The following NALF1 variants were observed in gnomAD, a reference collection of about 807,000 sequenced individuals.
The protein encoded by NALF1 is NALCN channel auxiliary factor 1.
NALF1 carries 3 observed loss-of-function variants against 48.4 expected under a neutral mutation model. That is an observed-to-expected ratio of 0.06 (90% CI 0.03 to 0.16). NALF1 has a LOEUF of 0.16. NALF1 is among the 10% of genes least tolerant of loss of function. NALF1 has a pLI of 1.00. For synonymous variants in NALF1, 262 were observed against 245.7 expected, an observed-to-expected ratio of 1.07 and a Z score of -0.62; for missense variants, 526 against 571.5, an observed-to-expected ratio of 0.92 and a Z score of 0.81.
chr13:107,791,346 C>T (rs1878225137), intron 1 of NALF1, among the ~76,000 whole-genome samples: 1 of 152,134 alleles, frequency 6.6e-6, no homozygotes, highest in Non-Finnish European at 1.5e-5. Flanking sequence ...ATGTACCTGT[C>T]TATCATATCT....
intron 1 of NALF1, among the ~76,000 whole-genome samples, chr13:107,608,267 G>A (rs1170060984): frequency 1.3e-5 from 2 of 152,088 alleles, no homozygotes; most frequent in Non-Finnish European, 2.9e-5. Flanking sequence ...CAGGACACGT[G>A]GAGAAGGCAC....
intron 1 of NALF1, among the ~76,000 whole-genome samples, chr13:107,348,319 C>T (rs1252512295): frequency 6.6e-6 from 1 of 152,008 alleles, no homozygotes; most frequent in Non-Finnish European, 1.5e-5. Flanking sequence ...ATTTCATTTG[C>T]ATTAAAAGTG....
At chr13:107,607,042 A>G (rs2138429070) in intron 1 of NALF1, among the ~76,000 whole-genome samples, 1 of 152,320 alleles carries the variant, frequency 6.6e-6, no homozygotes, top group Admixed American at 6.5e-5. Context: ...CATTGGTGCA[A>G]AAGTATTTGT....
At chr13:107,276,765 C>T (rs1881290127) in intron 1 of NALF1, among the ~76,000 whole-genome samples, 1 of 151,946 alleles carries the variant, frequency 6.6e-6, no homozygotes, top group Admixed American at 6.6e-5. Flanking sequence ...GAGATAAACA[C>T]ATCATTTATA....
intron 1 of NALF1, among the ~76,000 whole-genome samples, chr13:107,773,789 A>T (rs1877648414): frequency 6.6e-6 from 1 of 151,476 alleles, no homozygotes; most frequent in East Asian, 2.0e-4. Flanking sequence ...AATGACGAGT[A>T]AATGGGTGTA....
chr13:107,166,346 G>A lies in NALF1; in HGVS notation c.*4151C>T, dbSNP rs1282208580. ...GAGGCAGGAGAATCGCTTGAACCCA[G>A]GAAGTGGAGGTTGCAGTGAGCAGAG... On this transcript the variant is annotated 3_prime_UTR_variant, in exon 3 of 3. Transcript: ENST00000375915. 6.6e-6 allele frequency: 1 copy of A among 152,244 alleles called. No homozygotes were observed. Among genetic ancestry groups the A allele is most frequent in the African/African-American group, 2.4e-5 (1 of 41,454 alleles). The allele number at this position is 152,244 out of a possible 1,614,324, so 9.4% of individuals were successfully genotyped here.
intron 1 of NALF1, among the ~76,000 whole-genome samples, chr13:107,248,201 C>T (rs1880621903): frequency 6.6e-6 from 1 of 151,534 alleles, no homozygotes; most frequent in Non-Finnish European, 1.5e-5. Context: ...TTAGAGGGAA[C>T]AGCAAAGGAG....
chr13:107,756,456 A>ATATATATATATAT (rs1877099055), intron 1 of NALF1, among the ~76,000 whole-genome samples: 2 of 110,802 alleles, frequency 1.8e-5, no homozygotes, highest in Admixed American at 9.2e-5. Flanking sequence ...TATATATATA[A>ATATATATATATAT]AGCATAAATA....
rs112172131 is a variant in NALF1 at position 107,841,794 on chromosome 13, C to T, written c.915+23888G>A. ...GTTATGAAAAAGAAGTCAAAATGTA[C>T]GCCTTTTTTTATAATATTTCCTGCA... On this transcript the variant is annotated intron_variant, in intron 1 of 2. Transcript: ENST00000375915. Among the ~76,000 whole-genome samples the T allele has an allele frequency of 9.3e-4, 141 of 151,852 alleles. 1 individual carries two copies. Among genetic ancestry groups the T allele is most frequent in the South Asian group, 5.4e-3 (26 of 4,808 alleles).
chr13:107,423,990 C>T (rs1004176655), intron 1 of NALF1, among the ~76,000 whole-genome samples: 5 of 151,966 alleles, frequency 3.3e-5, no homozygotes, highest in Admixed American at 6.6e-5. Flanking sequence ...CTACTGTAGG[C>T]TACTAGATTT....
chr13:107,189,898 G>C (rs1246776749), intron 2 of NALF1, among the ~76,000 whole-genome samples: 2 of 152,168 alleles, frequency 1.3e-5, no homozygotes, highest in Non-Finnish European at 2.9e-5. Flanking sequence ...ATCTCTCATA[G>C]ATGTCTGTGT....
Position 107,485,551 on chromosome 13 carries a change from T to C in NALF1, c.916-274796A>G, listed in dbSNP as rs1042503755. ...TCATTTACCATCAGATATTCAACAA[T>C]ATTATTGTAAGTAGGTTGGGAACTG... On this transcript the variant is annotated intron_variant, in intron 1 of 2. Transcript: ENST00000375915. Among the ~76,000 whole-genome samples, 12 of 152,110 alleles carry C rather than the reference T, an allele frequency of 7.9e-5. 1 individual carries two copies. Among genetic ancestry groups the C allele is most frequent in the Admixed American group, 7.9e-4 (12 of 15,274 alleles).
chr13:107,469,287 T>C (rs1218169564), intron 1 of NALF1, among the ~76,000 whole-genome samples: 1 of 152,232 alleles, frequency 6.6e-6, no homozygotes, highest in Non-Finnish European at 1.5e-5. Context: ...GATTTTATCA[T>C]TTACAGATGA....
chr13:107,227,947 G>A (rs1269128972), intron 1 of NALF1, among the ~76,000 whole-genome samples: 1 of 152,156 alleles, frequency 6.6e-6, no homozygotes, highest in Non-Finnish European at 1.5e-5. Flanking sequence ...CAAAATATGA[G>A]CTCTTCATAT....
chr13:107,777,365 A>C (rs1306715638), intron 1 of NALF1, among the ~76,000 whole-genome samples: 3 of 152,092 alleles, frequency 2.0e-5, no homozygotes, highest in East Asian at 3.9e-4. Flanking sequence ...AGATACACCC[A>C]TTGACGTAAT....
chr13:107,460,618 T>C (rs190660443), intron 1 of NALF1, among the ~76,000 whole-genome samples: 1 of 152,342 alleles, frequency 6.6e-6, no homozygotes, highest in East Asian at 1.9e-4. Context: ...GATTTCGACC[T>C]AGTGCTGTCT....
At chr13:107,514,552 T>C (rs1237968884) in intron 1 of NALF1, among the ~76,000 whole-genome samples, 3 of 152,184 alleles carry the variant, frequency 2.0e-5, no homozygotes, top group Non-Finnish European at 4.4e-5. Flanking sequence ...TCAATAAAAC[T>C]GAGTACAAAA....
chr13:107,647,572 G>A lies in NALF1; in HGVS notation c.915+218110C>T, dbSNP rs112801773. ...CCATGAAACCTTAATAACATAAGAT[G>A]CTGCTTAAAATTAATAAACTTTTGT... On this transcript the variant is annotated intron_variant, in intron 1 of 2. Transcript: ENST00000375915. Among the ~76,000 whole-genome samples, 231 of 151,862 alleles carry A rather than the reference G, an allele frequency of 1.5e-3. 2 individuals are homozygous for A. Among genetic ancestry groups the A allele is most frequent in the African/African-American group, 5.1e-3 (212 of 41,408 alleles).
intron 1 of NALF1, among the ~76,000 whole-genome samples, chr13:107,591,700 A>C (rs1878606026): frequency 6.6e-6 from 1 of 152,002 alleles, no homozygotes; most frequent in Non-Finnish European, 1.5e-5. Context: ...GAAAGAAACA[A>C]AGTATGAAAG....
Sources: gnomAD v4.1 joint callset for allele counts (sites outside exome capture counted in the v4.1 genomes callset) on GRCh38, gnomAD v4.1.1 for gene constraint, MANE v1.5 for transcripts, NCBI Gene and HGNC (gene_info 2026-07-23, HGNC 2026-07-21) for gene names.